Variants in P2RX4 observed in about 807,000 individuals in gnomAD.
P2RX4 encodes purinergic receptor P2X 4.
P2RX4 carries 37 observed loss-of-function variants against 48.0 expected under a neutral mutation model. The observed-to-expected ratio is 0.77, with a 90% CI of 0.59 to 1.01. P2RX4 has a LOEUF of 1.01. P2RX4 is among the 50% of genes least tolerant of loss of function. P2RX4 has a pLI of 0.00. For missense variants in P2RX4, 501 were observed against 521.4 expected (o/e 0.96, Z 0.38); for synonymous variants, 200 against 199.7 (o/e 1.00, Z -0.01).
chr12:121,227,563 G>A (rs1292713879), intron 5 of P2RX4, among the ~76,000 whole-genome samples: 1 of 152,198 alleles, frequency 6.6e-6, no homozygotes, highest in East Asian at 1.9e-4. Context: ...CCCAAAGCCA[G>A]GCCTACTGAT....
rs1349194321 is a variant in P2RX4 at position 121,229,861 on chromosome 12, C to T, written c.884+762C>T. Among the ~76,000 whole-genome samples, 1 of 152,156 alleles carries T rather than the reference C, an allele frequency of 6.6e-6. No homozygotes were observed. The highest frequency in any genetic ancestry group is 2.4e-5 in the African/African-American group (1 of 41,434). Reference sequence around the variant, plus strand: ...TTCTGCCTTGTATGTGTCTCTGTGTCTTTTCTTCTTGTAAGGATATCAGTC... The same window carrying T: ...TTCTGCCTTGTATGTGTCTCTGTGTTTTTTCTTCTTGTAAGGATATCAGTC... On this transcript the variant is annotated intron_variant, in intron 8 of 11. Transcript: ENST00000337233. The surrounding 1 kb of genome is among the most constrained non-coding windows in gnomAD (Gnocchi z 4.6).
At chr12:121,225,072 A>ATTTTTT (rs34333143) in intron 5 of P2RX4, among the ~76,000 whole-genome samples, 1 of 133,792 alleles carries the variant, frequency 7.5e-6, no homozygotes, top group Admixed American at 7.8e-5. Context: ...ATCAAATTGG[A>ATTTTTT]TTTTTTTTTT....
rs745584234 is a variant in P2RX4 at position 121,228,628 on chromosome 12, G to A, written c.605+15G>A. 1.2e-6 allele frequency: 2 copies of A among 1,613,166 alleles called. No homozygotes were observed. Among genetic ancestry groups the A allele is most frequent in the Non-Finnish European group, 1.7e-6 (2 of 1,179,388 alleles). On this transcript the variant is annotated intron_variant, in intron 6 of 11. Transcript: ENST00000337233. The stretch of plus-strand genomic sequence containing the variant: ...AATTTCAGCAAGTAAGTGGTGGCCA[G>A]GTGTGTGAGTTCACCAGGGTCTTGG...
At chr12:121,214,938 C>T (rs1886125888) in intron 1 of P2RX4, 1 of 152,190 alleles carries the variant, frequency 6.6e-6, no homozygotes, top group East Asian at 1.9e-4. Flanking sequence ...GCACCCACCA[C>T]CACACCCAGC....
intron 1 of P2RX4, chr12:121,214,407 G>A (rs1197877211): frequency 6.6e-6 from 1 of 151,152 alleles, no homozygotes; most frequent in African/African-American, 2.4e-5. Flanking sequence ...ACTTTTTGAT[G>A]CAACTCATCT....
chr12:121,211,606 G>A (rs1565996750), intron 1 of P2RX4, among the ~76,000 whole-genome samples: 3 of 152,174 alleles, frequency 2.0e-5, no homozygotes, highest in Admixed American at 1.3e-4. Flanking sequence ...GGGCTGACAC[G>A]TATTGCCTAG....
chr12:121,217,208 G>A lies in P2RX4; in HGVS notation c.209G>A (p.Gly70Asp). Residue 70 changes from glycine (G) to aspartate (D), a missense_variant, in exon 2 of 12, where the codon GGC becomes GAC. Around this residue, in one of 3 missense-constraint regions of P2RX4, gnomAD observed 295 missense variants for 275.3 expected, o/e 1.07. Transcript: ENST00000337233. ...VVSSVTTKVK[G>D]VAVTNTSKLG... ...AGCTCCGTTACGACCAAGGTCAAGG[G>A]CGTGGCTGTGACCAACACTTCTAAA... The A allele has an allele frequency of 6.2e-7, 1 of 1,614,184 alleles. No individual in the cohort carries two copies. Among genetic ancestry groups the A allele is most frequent in the South Asian group, 1.1e-5 (1 of 91,088 alleles).
chr12:121,212,013 G>GC (rs1479143447), intron 1 of P2RX4, among the ~76,000 whole-genome samples: 1 of 152,226 alleles, frequency 6.6e-6, no homozygotes, highest in Non-Finnish European at 1.5e-5. Context: ...TGCAGAGTAT[G>GC]ATCGGCTGCC....
In P2RX4 at chr12:121,232,625, C is replaced by T. The variant is rs151265867; in HGVS notation, c.993C>T (p.Asp331=). ...IIVFGKAGKF[D]IIPTMINIGS... ...TGTCTTGGCAGGCAGGGAAATTTGACATCATCCCCACTATGATCAACATCG... is the reference window on the plus strand; with the variant it reads ...TGTCTTGGCAGGCAGGGAAATTTGATATCATCCCCACTATGATCAACATCG... Residue 331 remains aspartate (D), a synonymous_variant, in exon 10 of 12, where the codon GAC becomes GAT. Coordinates refer to ENST00000337233, the MANE Select transcript of P2RX4 (RefSeq NM_002560.3). This position sits in a 1 kb window ranked among gnomAD's most constrained non-coding sequence, Gnocchi z 4.3. 2.2e-5 allele frequency: 36 copies of T among 1,613,896 alleles called. No individual in the cohort carries two copies. The African/African-American group carries it at 2.4e-4, about 11-fold the overall frequency.
chr12:121,233,557 C>T lies in P2RX4; in HGVS notation c.*8C>T, dbSNP rs757794863. Reference sequence around the variant, plus strand: ...AGTGAGCTGGACCAGTGAGGCCTACCCCACACCTGGGCTCTCCACAGCCCC... The same window carrying T: ...AGTGAGCTGGACCAGTGAGGCCTACTCCACACCTGGGCTCTCCACAGCCCC... On this transcript the variant is annotated 3_prime_UTR_variant, in exon 12 of 12. Coordinates refer to ENST00000337233, the MANE Select transcript of P2RX4 (RefSeq NM_002560.3). 3.1e-6 allele frequency: 5 copies of T among 1,608,178 alleles called. No individual in the cohort carries two copies. Among genetic ancestry groups the T allele is most frequent in the Non-Finnish European group, 4.2e-6 (5 of 1,177,064 alleles).
At chr12:121,222,770 A>G in intron 4 of P2RX4, 177 bp from the exon 5 acceptor site, 1 of 1,528,494 alleles carries the variant, frequency 6.5e-7, no homozygotes, top group Non-Finnish European at 8.8e-7. Flanking sequence ...GCACACAGGT[A>G]ACTGTCTTCC....
chr12:121,216,875 G>T, intron 1 of P2RX4: 2 of 686,602 alleles, frequency 2.9e-6, no homozygotes, highest in Non-Finnish European at 5.3e-6. Context: ...TTCATCGAGC[G>T]TTTTCTCTGT....
chr12:121,220,651 T>TAAGA (rs1285953331), intron 2 of P2RX4, among the ~76,000 whole-genome samples: 1 of 151,866 alleles, frequency 6.6e-6, no homozygotes, highest in Non-Finnish European at 1.5e-5. Flanking sequence ...AATAAATAAA[T>TAAGA]AAGAAAGAAA....
intron 1 of P2RX4, chr12:121,215,231 G>A (rs1593199431): frequency 6.6e-6 from 1 of 152,140 alleles, no homozygotes; most frequent in African/African-American, 2.4e-5. Flanking sequence ...AAACATTGTT[G>A]TAAACATTTG....
At position 121,233,522 on chromosome 12, in the gene P2RX4, G is replaced by C. The variant is rs1887510554; in HGVS notation, c.1141-1G>C. 1.2e-6 allele frequency: 2 copies of C among 1,608,046 alleles called. No homozygotes were observed. Among genetic ancestry groups the C allele is most frequent in the Non-Finnish European group, 1.7e-6 (2 of 1,176,972 alleles). On this transcript the variant is annotated splice_acceptor_variant, in intron 11 of 11. Transcript: ENST00000337233. LOFTEE classifies it high-confidence loss of function. ...TGATCTGCTTGTGTCCTTCTTTGCA[G>C]GGTCTTGCTAGTGAGCTGGACCAGT...
intron 5 of P2RX4, among the ~76,000 whole-genome samples, chr12:121,228,083 A>C (rs1313556659): frequency 6.6e-6 from 1 of 152,058 alleles, no homozygotes; most frequent in Non-Finnish European, 1.5e-5. Context: ...CAACAGAGCA[A>C]GACCCTGTCT....
chr12:121,232,545 G>A lies in P2RX4; in HGVS notation c.978+38G>A, dbSNP rs1045749508. 1.9e-6 allele frequency: 3 copies of A among 1,606,040 alleles called. No individual in the cohort carries two copies. Among genetic ancestry groups the A allele is most frequent in the Admixed American group, 3.3e-5 (2 of 59,998 alleles). ...CACTGGCTCCCCTCCGTCACTCCCT[G>A]CAGGGACAAGGGGCCTCTCCCTGCC... On this transcript the variant is annotated intron_variant, in intron 9 of 11. Transcript: ENST00000337233. The surrounding 1 kb of genome is among the most constrained non-coding windows in gnomAD (Gnocchi z 4.3).
At position 121,232,533 on chromosome 12, in the gene P2RX4, C is replaced by G; in HGVS notation, c.978+26C>G. ...GTAGCTCGCCGCCACTGGCTCCCCT[C>G]CGTCACTCCCTGCAGGGACAAGGGG... On this transcript the variant is annotated intron_variant, in intron 9 of 11. Coordinates refer to ENST00000337233, the MANE Select transcript of P2RX4 (RefSeq NM_002560.3). This position sits in a 1 kb window ranked among gnomAD's most constrained non-coding sequence, Gnocchi z 4.3. 6.2e-7 allele frequency: 1 copy of G among 1,607,520 alleles called. No homozygotes were observed. Among genetic ancestry groups the G allele is most frequent in the Middle Eastern group, 1.7e-4 (1 of 6,052 alleles).
intron 5 of P2RX4, among the ~76,000 whole-genome samples, chr12:121,224,846 A>G (rs1245926922): frequency 1.3e-5 from 2 of 151,780 alleles, no homozygotes; most frequent in Non-Finnish European, 2.9e-5. Flanking sequence ...GGGTGTGTTG[A>G]GACAGAAGGA....
Sources: gnomAD v4.1 joint callset for allele counts (sites outside exome capture counted in the v4.1 genomes callset) on GRCh38, gnomAD v4.1.1 for gene constraint, gnomAD v4.1.1 regional missense constraint, Gnocchi (gnomAD v3.1) non-coding constraint, MANE v1.5 for transcripts, NCBI Gene and HGNC (gene_info 2026-07-23, HGNC 2026-07-21) for gene names.